SLC14A2: variants seen among roughly 807,000 people sequenced by gnomAD.
The protein encoded by SLC14A2 is solute carrier family 14 member 2.
Under a neutral mutation model 104.6 loss-of-function variants are expected in SLC14A2, and 91 were observed. The ratio of observed to expected loss-of-function variants is 0.87; its 90% CI spans 0.73 to 1.04. The LOEUF is 1.04. SLC14A2 is among the 50% of genes least tolerant of loss of function. The probability of loss-of-function intolerance (pLI) is 0.00; values close to 1 mark genes in which losing one functional copy is unlikely to be tolerated. For synonymous variants in SLC14A2, 476 were observed against 466.4 expected (o/e 1.02, Z -0.27); for missense variants, 1,189 against 1,156.0 (o/e 1.03, Z -0.41).
At chr18:45,363,810 T>C (rs1444656418) in intron 1 of SLC14A2, among the ~76,000 whole-genome samples, 2 of 151,808 alleles carry the variant, frequency 1.3e-5, no homozygotes, top group African/African-American at 4.9e-5. Context: ...CATAAGCCAC[T>C]TCCTGGGGTG....
intron 10 of SLC14A2, among the ~76,000 whole-genome samples, chr18:45,644,865 T>A (rs1044670844): frequency 1.3e-5 from 2 of 151,510 alleles, no homozygotes; most frequent in African/African-American, 2.4e-5. Flanking sequence ...TTAATTTTTT[T>A]AATTTTAAGT....
intron 1 of SLC14A2, among the ~76,000 whole-genome samples, chr18:45,335,914 G>T (rs1214401876): frequency 2.0e-5 from 3 of 152,176 alleles, no homozygotes; most frequent in Non-Finnish European, 4.4e-5. Flanking sequence ...TAGATGAAGC[G>T]CTGGGCTTCC....
intron 1 of SLC14A2, among the ~76,000 whole-genome samples, chr18:45,473,750 G>T (rs571314700): frequency 2.6e-5 from 4 of 152,324 alleles, no homozygotes; most frequent in African/African-American, 7.2e-5. Flanking sequence ...CTTTGCTGAA[G>T]TTGCTGATCA....
intron 2 of SLC14A2, among the ~76,000 whole-genome samples, chr18:45,594,972 A>G (rs2044700821): frequency 6.6e-6 from 1 of 152,138 alleles, no homozygotes; most frequent in African/African-American, 2.4e-5. Context: ...TCCCCTTCAG[A>G]AATGACTGCT....
chr18:45,212,488 G>T (rs891800934), upstream of SLC14A2, among the ~76,000 whole-genome samples: 1 of 152,178 alleles, frequency 6.6e-6, no homozygotes, highest in African/African-American at 2.4e-5. Context: ...AAGGTTACAT[G>T]AGAAAGCACA....
intron 1 of SLC14A2, among the ~76,000 whole-genome samples, chr18:45,432,023 G>A (rs2086524633): frequency 1.3e-5 from 2 of 152,146 alleles, no homozygotes; most frequent in Non-Finnish European, 2.9e-5. Flanking sequence ...TAGTCAAAGA[G>A]GGAGATGAAA....
chr18:45,624,784 T>C lies in SLC14A2; in HGVS notation c.120T>C (p.Ala40=). Residue 40 remains alanine (A), a synonymous_variant, in exon 2 of 20, where the codon GCT becomes GCC. Transcript: ENST00000255226. ...WPSTSPDTHP[A]LPLLEMPEEK... ...CGACATCCCCGGATACTCACCCAGC[T>C]CTGCCCCTCCTGGAAATGCCTGAAG... The C allele has an allele frequency of 6.2e-7, 1 of 1,612,232 alleles. No individual in the cohort carries two copies. Among genetic ancestry groups the C allele is most frequent in the Non-Finnish European group, 8.5e-7 (1 of 1,179,236 alleles).
chr18:45,597,984 G>A (rs1000198762), intron 2 of SLC14A2, among the ~76,000 whole-genome samples: 1 of 152,160 alleles, frequency 6.6e-6, no homozygotes. Flanking sequence ...CTCATGGGAG[G>A]ATGGGTTGTG....
At chr18:45,569,862 A>G (rs1281301463) in intron 2 of SLC14A2, among the ~76,000 whole-genome samples, 2 of 152,160 alleles carry the variant, frequency 1.3e-5, no homozygotes, top group African/African-American at 4.8e-5. Context: ...GGCTAGTCAC[A>G]TTCTTTCTTC....
chr18:45,338,163 C>T (rs2144274846), intron 1 of SLC14A2, among the ~76,000 whole-genome samples: 1 of 152,184 alleles, frequency 6.6e-6, no homozygotes, highest in South Asian at 2.1e-4. Flanking sequence ...TGACCACTAC[C>T]CCTGATTCAA....
At chr18:45,568,610 C>A (rs2044300790) in intron 2 of SLC14A2, among the ~76,000 whole-genome samples, 1 of 152,220 alleles carries the variant, frequency 6.6e-6, no homozygotes, top group Non-Finnish European at 1.5e-5. Flanking sequence ...ATTCTTTTAT[C>A]CTTGGCATGA....
In SLC14A2 at chr18:45,531,517, CAT is replaced by C. The variant is rs1460231487; in HGVS notation, c.-35+48198_-35+48199del. On this transcript the variant is annotated intron_variant, in intron 2 of 20. Transcript: ENST00000586448. ...TGTCTTCTTTTGAGAAGGGTCTGTT[CAT>C]ATCCTTCACCCACTTTTTGATGGGA... is the stretch of plus-strand genomic sequence containing the variant. Among the ~76,000 whole-genome samples the C allele has an allele frequency of 3.9e-5, 6 of 152,326 alleles. 1 individual carries two copies. In the South Asian group the frequency reaches 1.2e-3, roughly 32 times the overall value.
chr18:45,327,977 T>G (rs900071968), intron 1 of SLC14A2, among the ~76,000 whole-genome samples: 13 of 152,190 alleles, frequency 8.5e-5, no homozygotes, highest in African/African-American at 3.1e-4. Context: ...ATATCATGTT[T>G]GTATGGGGAT....
Position 45,667,834 on chromosome 18 carries a change from C to G in SLC14A2, c.1719C>G (p.Asp573Glu), listed in dbSNP as rs1183624254. The G allele has an allele frequency of 6.2e-7, 1 of 1,613,898 alleles. No homozygotes were observed. Among genetic ancestry groups the G allele is most frequent in the Admixed American group, 1.7e-5 (1 of 60,032 alleles). The change falls in exon 14 of 20, where the codon GAC becomes GAG. Residue 573 changes from aspartate (D) to glutamate (E), a missense_variant and splice_region_variant. Asp to Glu is a conservative substitution (Grantham distance 45). Transcript: ENST00000255226. ...EMKECGEGLKDKSPVFQFFDW... is the reference protein window; with the variant it reads ...EMKECGEGLKEKSPVFQFFDW... ...CTTCCTGCCCCGGTTCCATTTCAGA[C>G]AAGTCCCCAGTGTTCCAGTTCTTTG...
intron 2 of SLC14A2, among the ~76,000 whole-genome samples, chr18:45,535,477 C>T (rs1327955610): frequency 6.6e-6 from 1 of 152,156 alleles, no homozygotes; most frequent in Non-Finnish European, 1.5e-5. Flanking sequence ...TTCCGACCAT[C>T]CCGTGAGATA....
At chr18:45,538,728 G>T (rs1568266424) in intron 2 of SLC14A2, among the ~76,000 whole-genome samples, 1 of 152,106 alleles carries the variant, frequency 6.6e-6, no homozygotes, top group Non-Finnish European at 1.5e-5. Context: ...GCTACAATAT[G>T]GGAAGGGCAG....
At chr18:45,660,116 A>C (rs576430145) in intron 10 of SLC14A2, among the ~76,000 whole-genome samples, 1 of 152,300 alleles carries the variant, frequency 6.6e-6, no homozygotes, top group South Asian at 2.1e-4. Context: ...CTGGACAATG[A>C]AGCAAGATCG....
intron 1 of SLC14A2, among the ~76,000 whole-genome samples, chr18:45,293,604 C>A (rs1044800045): frequency 6.6e-6 from 1 of 150,906 alleles, no homozygotes; most frequent in Admixed American, 6.6e-5. Flanking sequence ...TTAACTTTGT[C>A]CTATTCAGGC....
Position 45,606,734 on chromosome 18 carries a change from TA to T in SLC14A2, c.-34-17884del, listed in dbSNP as rs781251287. Among the ~76,000 whole-genome samples the T allele has an allele frequency of 3.1e-3, 235 of 76,608 alleles. 1 individual carries two copies. The highest frequency in any genetic ancestry group is 7.9e-3 in the African/African-American group (185 of 23,318). The allele number at this position is 76,608 out of a possible 152,430, so 50.3% of individuals were successfully genotyped here. ...ATGCCTATAACTGACAAAGTCTAAT[TA>T]AAAAAAAAAAAACAAAACAAAAACA... is the stretch of plus-strand genomic sequence containing the variant. On this transcript the variant is annotated intron_variant, in intron 2 of 20. Transcript: ENST00000586448.
Sources: gnomAD v4.1 joint callset for allele counts (sites outside exome capture counted in the v4.1 genomes callset) on GRCh38, gnomAD v4.1.1 for gene constraint, MANE v1.5 for transcripts, NCBI Gene and HGNC (gene_info 2026-07-23, HGNC 2026-07-21) for gene names.